HERC6: variants seen among roughly 807,000 people sequenced by gnomAD.
HERC6 encodes the protein probable E3 ubiquitin-protein ligase HERC6.
In HERC6, 101 loss-of-function variants were observed where a neutral mutation model predicts 114.5. The observed-to-expected ratio is 0.88, with a 90% confidence interval of 0.75 to 1.04. The LOEUF (loss-of-function observed/expected upper bound fraction) is 1.04. Among genes scored for constraint, HERC6 ranks in the 50% least tolerant of loss-of-function variants. The pLI, the probability that HERC6 is intolerant of heterozygous loss-of-function variation, is 0.00. For missense variants in HERC6, 1,133 were observed against 1,230.9 expected (o/e 0.92, Z 1.19); for synonymous variants, 408 against 436.2 (o/e 0.94, Z 0.81).
intron 12 of HERC6, among the ~76,000 whole-genome samples, chr4:88,415,387 T>A (rs1352705105): frequency 6.6e-6 from 1 of 152,178 alleles, no homozygotes; most frequent in Non-Finnish European, 1.5e-5. Flanking sequence ...TGAGTCAAAT[T>A]GTATGTACAT....
chr4:88,391,884 A>G (rs571359479), intron 4 of HERC6, among the ~76,000 whole-genome samples: 1 of 152,050 alleles, frequency 6.6e-6, no homozygotes, highest in South Asian at 2.1e-4. Context: ...ACCTTGTTTC[A>G]TTTCACCATT....
At chr4:88,406,735 ATCTT>A (rs1350094935) in intron 10 of HERC6, among the ~76,000 whole-genome samples, 2 of 152,016 alleles carry the variant, frequency 1.3e-5, no homozygotes, top group South Asian at 4.1e-4. Context: ...CAAGGAGAAA[ATCTT>A]TCTTTGTTTT....
intron 13 of HERC6, among the ~76,000 whole-genome samples, chr4:88,423,209 C>T (rs1396713797): frequency 1.3e-5 from 2 of 151,998 alleles, no homozygotes; most frequent in Non-Finnish European, 2.9e-5. Flanking sequence ...CACCTTCTAT[C>T]ATTTGGATTC....
intron 1 of HERC6, among the ~76,000 whole-genome samples, chr4:88,379,554 T>A (rs1426771880): frequency 6.7e-6 from 1 of 149,190 alleles, no homozygotes; most frequent in Non-Finnish European, 1.5e-5. Context: ...GAAGGCAGCC[T>A]GACCTTACAA....
intron 5 of HERC6, among the ~76,000 whole-genome samples, chr4:88,394,559 T>A (rs914803084): frequency 5.1e-4 from 71 of 138,728 alleles, no homozygotes; most frequent in Non-Finnish European, 9.7e-4. Flanking sequence ...TATTATTATT[T>A]TTTGAGACAG....
chr4:88,406,902 G>A (rs1258847712), intron 10 of HERC6, among the ~76,000 whole-genome samples: 1 of 151,674 alleles, frequency 6.6e-6, no homozygotes, highest in African/African-American at 2.4e-5. Flanking sequence ...GATTACAGGT[G>A]TGCACCACCA....
In HERC6 at chr4:88,431,220, A is replaced by C. The variant is rs1738163302; in HGVS notation, c.2165A>C (p.His722Pro). 1 of 1,613,440 alleles carries C rather than the reference A, an allele frequency of 6.2e-7. No homozygotes were observed. The highest frequency in any genetic ancestry group is 2.2e-5 in the East Asian group (1 of 44,862). Residue 722 changes from histidine to proline, a missense_variant, in exon 17 of 23, where the codon CAC becomes CCC. Coordinates refer to ENST00000264346, the MANE Select transcript of HERC6 (RefSeq NM_017912.4). ...ESGGVSSEFF[H>P]CMFEEMTKPE... ...GGAGGGGTTAGTTCAGAGTTCTTCC[A>C]CTGTATGTTTGAAGAGATGACCAAG...
At chr4:88,433,111 T>A (rs1242102694) in intron 17 of HERC6, among the ~76,000 whole-genome samples, 1 of 152,058 alleles carries the variant, frequency 6.6e-6, no homozygotes, top group African/African-American at 2.4e-5. Flanking sequence ...AACAAAAAAA[T>A]TTGTCTTCAT....
At chr4:88,420,992 C>A (rs116851623) in intron 13 of HERC6, among the ~76,000 whole-genome samples, 1 of 152,124 alleles carries the variant, frequency 6.6e-6, no homozygotes, top group African/African-American at 2.4e-5. Flanking sequence ...CTTTCTGTCT[C>A]TACAGATTTG....
intron 17 of HERC6, among the ~76,000 whole-genome samples, chr4:88,434,030 T>C (rs1738500687): frequency 6.6e-6 from 1 of 152,256 alleles, no homozygotes; most frequent in South Asian, 2.1e-4. Context: ...TTGTGGGATA[T>C]TCAAATTATT....
At chr4:88,385,695 T>C (rs2110232343) in intron 3 of HERC6, 120 bp downstream of exon 3, 2 of 596,912 alleles carry the variant, frequency 3.4e-6, no homozygotes, top group Admixed American at 7.3e-5. Flanking sequence ...CCAGGTTTCA[T>C]AAGATATATT....
At chr4:88,417,165 A>C (rs1736560898) in intron 12 of HERC6, among the ~76,000 whole-genome samples, 1 of 152,196 alleles carries the variant, frequency 6.6e-6, no homozygotes. Flanking sequence ...AATTAAGCAT[A>C]AATGTGAGCC....
At chr4:88,404,660 C>CT (rs1304036696) in intron 8 of HERC6, among the ~76,000 whole-genome samples, 3 of 146,776 alleles carry the variant, frequency 2.0e-5, no homozygotes, top group Non-Finnish European at 4.5e-5. Flanking sequence ...TTTTTTTTTT[C>CT]TTTTTTAATG....
At chr4:88,400,942 G>C (rs1452387603) in intron 8 of HERC6, among the ~76,000 whole-genome samples, 2 of 152,070 alleles carry the variant, frequency 1.3e-5, no homozygotes, top group Non-Finnish European at 2.9e-5. Context: ...CATGGATAAG[G>C]GGGGACTGCT....
intron 3 of HERC6, among the ~76,000 whole-genome samples, chr4:88,386,199 C>CTTTT (rs1262540915): frequency 5.3e-5 from 7 of 131,928 alleles, no homozygotes; most frequent in South Asian, 2.5e-4. Flanking sequence ...TTTTTCTTTT[C>CTTTT]TTTTTTTTTT....
intron 3 of HERC6, among the ~76,000 whole-genome samples, chr4:88,390,345 A>G (rs1734840513): frequency 6.6e-6 from 1 of 152,130 alleles, no homozygotes; most frequent in Non-Finnish European, 1.5e-5. Flanking sequence ...ATGTGACTAT[A>G]TAGTTAATAA....
chr4:88,380,738 ATATATAT>A (rs1734273669), intron 1 of HERC6, among the ~76,000 whole-genome samples: 1 of 150,490 alleles, frequency 6.6e-6, no homozygotes, highest in African/African-American at 2.4e-5. Flanking sequence ...AATAATAAAT[ATATATAT>A]TATATATGTG....
intron 8 of HERC6, 110 bp downstream of exon 8, chr4:88,398,319 A>C: frequency 1.9e-6 from 1 of 518,926 alleles, no homozygotes; most frequent in Non-Finnish European, 3.3e-6. Context: ...TACTAAAACA[A>C]TAAGGTCCTA....
intron 12 of HERC6, among the ~76,000 whole-genome samples, chr4:88,414,873 C>G (rs1204646193): frequency 6.6e-6 from 1 of 152,178 alleles, no homozygotes; most frequent in Non-Finnish European, 1.5e-5. Context: ...GAACGCCTAA[C>G]TGTCTGGGAT....
Sources: allele counts gnomAD v4.1 joint callset (sites outside exome capture counted in the v4.1 genomes callset), GRCh38; gene constraint gnomAD v4.1.1; transcripts MANE v1.5; gene names NCBI Gene and HGNC (gene_info 2026-07-23, HGNC 2026-07-21).